Variants in DNAH12 observed in about 807,000 individuals in gnomAD.
The protein encoded by DNAH12 is axonemal beta dynein heavy chain 12.
In DNAH12, 285 loss-of-function variants were observed where a neutral mutation model predicts 371.5. That is an observed-to-expected ratio of 0.77 (90% CI 0.70 to 0.85). The LOEUF (loss-of-function observed/expected upper bound fraction) is 0.85, where lower values mean the gene tolerates loss of function less well. Among genes scored for constraint, DNAH12 ranks in the 40% least tolerant of loss-of-function variants. The pLI is 0.00. For synonymous variants in DNAH12, 1,200 were observed against 1,213.0 expected (o/e 0.99, Z 0.22); for missense variants, 3,611 against 3,689.4 (o/e 0.98, Z 0.55).
intron 17 of DNAH12, among the ~76,000 whole-genome samples, chr3:57,465,346 A>G (rs2066170021): frequency 6.6e-6 from 1 of 152,216 alleles, no homozygotes. Context: ...CTAAAATAAG[A>G]AAGAAATAAT....
intron 40 of DNAH12, among the ~76,000 whole-genome samples, chr3:57,407,341 C>A (rs1239426692): frequency 6.6e-6 from 1 of 150,468 alleles, no homozygotes; most frequent in Non-Finnish European, 1.5e-5. Context: ...GTATCCCCTT[C>A]TACCTGACCA....
chr3:57,546,871 G>A (rs1040068025), upstream of DNAH12, among the ~76,000 whole-genome samples: 1 of 152,112 alleles, frequency 6.6e-6, no homozygotes, highest in Non-Finnish European at 1.5e-5. Context: ...ATTTAGGCCT[G>A]GCAAAGTGGA....
At chr3:57,549,310 G>A (rs2069600098), upstream of DNAH12, among the ~76,000 whole-genome samples, 1 of 152,100 alleles carries the variant, frequency 6.6e-6, no homozygotes, top group Non-Finnish European at 1.5e-5. Context: ...GAGGTCAGGA[G>A]TTCGAGACCA....
In DNAH12 at chr3:57,472,453, T is replaced by C. The variant is rs2066393514; in HGVS notation, c.1776+93A>G. The C allele has an allele frequency of 7.6e-6, 11 of 1,452,270 alleles. No homozygotes were observed. The South Asian group carries it at 1.4e-4, about 18-fold the overall frequency. The allele number at this position is 1,452,270 out of a possible 1,614,324, so 90.0% of individuals were successfully genotyped here. On this transcript the variant is annotated intron_variant, in intron 14 of 73. Transcript: ENST00000495027. ...TCATATTGACACACAAAATTACTTT[T>C]AAAGTTAGATGGCCAGGAGATATGA...
At chr3:57,479,256 G>A (rs112542379) in intron 13 of DNAH12, among the ~76,000 whole-genome samples, 2 of 152,154 alleles carry the variant, frequency 1.3e-5, no homozygotes, top group African/African-American at 4.8e-5. Flanking sequence ...ACAAAAAAAG[G>A]CAGGGGTTGC....
At chr3:57,305,531 G>C (rs1409978476) in intron 69 of DNAH12, among the ~76,000 whole-genome samples, 1 of 152,080 alleles carries the variant, frequency 6.6e-6, no homozygotes, top group East Asian at 1.9e-4. Flanking sequence ...TAAAGACATA[G>C]TCAAGGTTAA....
At chr3:57,390,051 C>T (rs2063582577) in intron 45 of DNAH12, among the ~76,000 whole-genome samples, 1 of 148,992 alleles carries the variant, frequency 6.7e-6, no homozygotes, top group Non-Finnish European at 1.5e-5. Context: ...GGCCAGGATG[C>T]TCTCCATCTC....
At chr3:57,481,159 A>G (rs2066730322) in intron 13 of DNAH12, among the ~76,000 whole-genome samples, 1 of 152,224 alleles carries the variant, frequency 6.6e-6, no homozygotes, top group Admixed American at 6.5e-5. Context: ...ATGATTGTAT[A>G]TCTAGAAAAC....
At chr3:57,294,247 G>T (rs989164395) in intron 73 of DNAH12, among the ~76,000 whole-genome samples, 1 of 150,194 alleles carries the variant, frequency 6.7e-6, no homozygotes, top group African/African-American at 2.5e-5. Context: ...CACAATCTCG[G>T]CTCACTGCAA....
chr3:57,400,161 A>G (rs2063827362), intron 43 of DNAH12, among the ~76,000 whole-genome samples: 1 of 152,084 alleles, frequency 6.6e-6, no homozygotes, highest in African/African-American at 2.4e-5. Context: ...GGTGGTGTGC[A>G]CCTGTAATCC....
chr3:57,445,829 A>G (rs1233173915), intron 27 of DNAH12, among the ~76,000 whole-genome samples: 1 of 152,066 alleles, frequency 6.6e-6, no homozygotes, highest in Non-Finnish European at 1.5e-5. Flanking sequence ...TTTACTAAAA[A>G]TACAAAAAAT....
chr3:57,324,902 C>G (rs2061900355), intron 62 of DNAH12, among the ~76,000 whole-genome samples: 1 of 152,220 alleles, frequency 6.6e-6, no homozygotes, highest in South Asian at 2.1e-4. Context: ...TAAAAAACGG[C>G]ACACCAGGAG....
At chr3:57,386,757 A>G (rs1297150501) in intron 46 of DNAH12, among the ~76,000 whole-genome samples, 154 bp from the exon 47 acceptor site, 1 of 152,220 alleles carries the variant, frequency 6.6e-6, no homozygotes, top group Non-Finnish European at 1.5e-5. Context: ...CCTACATATT[A>G]CCACATTATA....
intron 58 of DNAH12, among the ~76,000 whole-genome samples, chr3:57,361,444 C>CTATATATATA (rs1201361123): frequency 0.015 from 1,790 of 116,578 alleles, 38 homozygotes; most frequent in East Asian, 0.1. Flanking sequence ...CACACACACA[C>CTATATATATA]TATATATATA....
intron 39 of DNAH12, among the ~76,000 whole-genome samples, chr3:57,409,989 GA>G (rs782712891): frequency 6.6e-6 from 1 of 152,198 alleles, no homozygotes; most frequent in East Asian, 1.9e-4. Flanking sequence ...AAACATGGTA[GA>G]AAAATAGGGT....
intron 56 of DNAH12, among the ~76,000 whole-genome samples, chr3:57,367,247 T>C (rs1185964960): frequency 1.3e-5 from 2 of 152,140 alleles, no homozygotes; most frequent in Non-Finnish European, 2.9e-5. Context: ...GGAACAAGAA[T>C]CGCTTGAACC....
chr3:57,462,496 CAT>C (rs2066083186), intron 18 of DNAH12, among the ~76,000 whole-genome samples, 192 bp downstream of exon 18: 1 of 152,108 alleles, frequency 6.6e-6, no homozygotes, highest in African/African-American at 2.4e-5. Context: ...AGGTGATCCA[CAT>C]GTCTCGGCCT....
At chr3:57,326,200 T>C (rs2061941160) in intron 62 of DNAH12, among the ~76,000 whole-genome samples, 1 of 151,694 alleles carries the variant, frequency 6.6e-6, no homozygotes. Flanking sequence ...ATTCAGGAAA[T>C]ACAGAGAATG....
chr3:57,435,479 T>A (rs945774703), intron 30 of DNAH12, among the ~76,000 whole-genome samples: 4 of 151,346 alleles, frequency 2.6e-5, no homozygotes, highest in African/African-American at 9.7e-5. Flanking sequence ...CAAAGCCTGA[T>A]AAGGTCAAGG....
Sources: allele counts gnomAD v4.1 joint callset (sites outside exome capture counted in the v4.1 genomes callset), GRCh38; gene constraint gnomAD v4.1.1; transcripts MANE v1.5; gene names NCBI Gene and HGNC (gene_info 2026-07-23, HGNC 2026-07-21).